The following MMP16 variants were observed in gnomAD, a reference collection of about 807,000 sequenced individuals.
MMP16 encodes the protein matrix metalloproteinase-16.
Under a neutral mutation model 67.8 loss-of-function variants are expected in MMP16, and 12 were observed. The observed-to-expected ratio is 0.18, with a 90% CI of 0.11 to 0.29. The LOEUF (loss-of-function observed/expected upper bound fraction) is 0.29. Among genes scored for constraint, MMP16 ranks in the 10% least tolerant of loss-of-function variants. The pLI is 1.00. For synonymous variants in MMP16, 249 were observed against 255.9 expected (o/e 0.97, Z 0.26); for missense variants, 475 against 765.7 (o/e 0.62, Z 4.48).
intron 1 of MMP16, among the ~76,000 whole-genome samples, chr8:88,250,104 G>A (rs1810183140): frequency 6.6e-6 from 1 of 151,960 alleles, no homozygotes; most frequent in Non-Finnish European, 1.5e-5. Flanking sequence ...TAGCTGTAGA[G>A]AACTCTTATC....
chr8:88,050,161 A>G (rs1808251961), intron 8 of MMP16, among the ~76,000 whole-genome samples: 1 of 152,120 alleles, frequency 6.6e-6, no homozygotes, highest in Non-Finnish European at 1.5e-5. Flanking sequence ...GTCTCTACTA[A>G]AAAATACAAA....
At chr8:88,214,545 A>C (rs1809558905) in intron 1 of MMP16, among the ~76,000 whole-genome samples, 1 of 152,108 alleles carries the variant, frequency 6.6e-6, no homozygotes, top group Non-Finnish European at 1.5e-5. Flanking sequence ...CATAGTGTTT[A>C]ACATGATGTT....
intron 8 of MMP16, among the ~76,000 whole-genome samples, chr8:88,047,419 A>C (rs1229032967): frequency 1.3e-5 from 2 of 152,218 alleles, no homozygotes; most frequent in African/African-American, 4.8e-5. Context: ...GGTGATAACA[A>C]CTATGAAAAA....
At chr8:88,309,984 T>C (rs1811271212) in intron 1 of MMP16, among the ~76,000 whole-genome samples, 1 of 152,068 alleles carries the variant, frequency 6.6e-6, no homozygotes, top group Non-Finnish European at 1.5e-5. Flanking sequence ...TTTTTCCTCA[T>C]CCACGTAGCT....
intron 8 of MMP16, among the ~76,000 whole-genome samples, chr8:88,054,885 A>G (rs967022093): frequency 2.0e-5 from 3 of 152,162 alleles, no homozygotes; most frequent in Admixed American, 2.0e-4. Flanking sequence ...ATGCTAAGAT[A>G]ATATGGCAAA....
chr8:88,323,267 G>A (rs987871463), intron 1 of MMP16, among the ~76,000 whole-genome samples: 2 of 152,112 alleles, frequency 1.3e-5, no homozygotes, highest in African/African-American at 4.8e-5. Flanking sequence ...TCTCTGAAAT[G>A]TCTCATGATT....
At chr8:88,203,509 A>G (rs1297581512) in intron 1 of MMP16, among the ~76,000 whole-genome samples, 1 of 152,218 alleles carries the variant, frequency 6.6e-6, no homozygotes, top group Non-Finnish European at 1.5e-5. Context: ...TACTTAATAT[A>G]CAGACTAACC....
intron 1 of MMP16, among the ~76,000 whole-genome samples, chr8:88,297,469 T>C (rs1811030584): frequency 2.0e-5 from 3 of 152,176 alleles, no homozygotes; most frequent in Admixed American, 2.0e-4. Flanking sequence ...TCTCTGCGTA[T>C]GGCCCGCTCC....
At chr8:88,186,348 C>T (rs1468783681) in intron 3 of MMP16, 128 bp downstream of exon 3, 117 of 1,249,884 alleles carry the variant, frequency 9.4e-5, no homozygotes, top group Non-Finnish European at 1.3e-4. Context: ...AATTTTAAAT[C>T]TCTTATGTTA....
rs28904589 is a variant in MMP16 at position 88,257,992 on chromosome 8, A to G, written c.133-60686T>C. Among the ~76,000 whole-genome samples, 296 of 152,146 alleles carry G rather than the reference A, an allele frequency of 1.9e-3. 2 individuals carry two copies. The highest frequency in any genetic ancestry group is 0.013 in the East Asian group (69 of 5,180). ...GGAATAGTCATAACACAGGAAGGGCATCTAGCTTCACTGGCTGAAGCTAGA... is the reference window on the plus strand; with the variant it reads ...GGAATAGTCATAACACAGGAAGGGCGTCTAGCTTCACTGGCTGAAGCTAGA... On this transcript the variant is annotated intron_variant, in intron 1 of 9. Coordinates refer to ENST00000286614, the MANE Select transcript of MMP16 (RefSeq NM_005941.5).
At chr8:88,160,938 A>AT (rs1283208455) in intron 4 of MMP16, among the ~76,000 whole-genome samples, 1 of 152,120 alleles carries the variant, frequency 6.6e-6, no homozygotes, top group Admixed American at 6.6e-5. Context: ...GAGCTGCTGG[A>AT]TTAGGTTTGC....
intron 4 of MMP16, among the ~76,000 whole-genome samples, chr8:88,164,507 C>T (rs758499574): frequency 3.3e-5 from 5 of 151,960 alleles, no homozygotes; most frequent in Non-Finnish European, 7.4e-5. Flanking sequence ...CTCTAGCTGC[C>T]CTGCTGTTGC....
In MMP16 at chr8:88,280,660, G is replaced by A. The variant is rs542933318; in HGVS notation, c.132+46415C>T. ...ATTCCCAGCACTTTGGGAGGCCAAG[G>A]TGAGAGGATCACTTGAGCCCAAGAG... On this transcript the variant is annotated intron_variant, in intron 1 of 9. Transcript: ENST00000286614. 1.1e-3 allele frequency among the ~76,000 whole-genome samples: 168 copies of A among 152,292 alleles called. 1 individual carries two copies. The highest frequency in any genetic ancestry group is 3.3e-3 in the African/African-American group (138 of 41,568).
At position 88,124,781 on chromosome 8, in the gene MMP16, T is replaced by C. The variant is rs926210118; in HGVS notation, c.710-5920A>G. ...TAAACAACCAAAATGTACTTTCTCA[T>C]AGTTCTGGAGGCCAGAAATCTGAGC... On this transcript the variant is annotated intron_variant, in intron 4 of 9. Coordinates refer to ENST00000286614, the MANE Select transcript of MMP16 (RefSeq NM_005941.5). Among the ~76,000 whole-genome samples the C allele has an allele frequency of 2.0e-5, 3 of 151,982 alleles. No individual in the cohort carries two copies. In the East Asian group the frequency reaches 5.8e-4, roughly 30 times the overall value.
intron 8 of MMP16, among the ~76,000 whole-genome samples, chr8:88,050,390 T>C (rs1808254936): frequency 6.6e-6 from 1 of 152,216 alleles, no homozygotes; most frequent in South Asian, 2.1e-4. Context: ...ACATCCTGCA[T>C]GTGATTTAAG....
intron 1 of MMP16, among the ~76,000 whole-genome samples, chr8:88,205,213 T>C (rs755754222): frequency 3.9e-5 from 6 of 152,052 alleles, no homozygotes; most frequent in Non-Finnish European, 5.9e-5. Flanking sequence ...GACACATCAA[T>C]AGTAAAAAGG....
chr8:88,306,432 A>G (rs1314007236), intron 1 of MMP16, among the ~76,000 whole-genome samples: 1 of 152,196 alleles, frequency 6.6e-6, no homozygotes, highest in African/African-American at 2.4e-5. Flanking sequence ...AGCTCATTTT[A>G]TGACACCAAC....
intron 7 of MMP16, among the ~76,000 whole-genome samples, chr8:88,057,736 T>A (rs1263377084): frequency 6.6e-6 from 1 of 152,120 alleles, no homozygotes; most frequent in African/African-American, 2.4e-5. Flanking sequence ...CCATGGGTAA[T>A]CTCATTTACT....
At chr8:88,135,826 A>G (rs1165134771) in intron 4 of MMP16, among the ~76,000 whole-genome samples, 1 of 151,956 alleles carries the variant, frequency 6.6e-6, no homozygotes, top group Non-Finnish European at 1.5e-5. Flanking sequence ...ATGAAAAGTT[A>G]ACTTTTGAAT....
Sources: gnomAD v4.1 joint callset for allele counts (sites outside exome capture counted in the v4.1 genomes callset) on GRCh38, gnomAD v4.1.1 for gene constraint, MANE v1.5 for transcripts, NCBI Gene and HGNC (gene_info 2026-07-23, HGNC 2026-07-21) for gene names.